Variants in ZNF385D observed in about 807,000 individuals in gnomAD.
The protein encoded by ZNF385D is zinc finger protein 659.
A neutral mutation model predicts 35.8 loss-of-function variants in ZNF385D; 15 were observed. That is an observed-to-expected ratio of 0.42 (90% confidence interval 0.28 to 0.64). The LOEUF (loss-of-function observed/expected upper bound fraction) is 0.64. ZNF385D is among the 30% of genes least tolerant of loss of function. ZNF385D has a pLI of 0.23. For missense variants in ZNF385D, 474 were observed against 494.6 expected, an observed-to-expected ratio of 0.96 and a Z score of 0.39; for synonymous variants, 212 against 186.8, an observed-to-expected ratio of 1.13 and a Z score of -1.10.
At chr3:22,133,189 G>A (rs1703901017) in intron 3 of ZNF385D, among the ~76,000 whole-genome samples, 1 of 152,036 alleles carries the variant, frequency 6.6e-6, no homozygotes, top group Non-Finnish European at 1.5e-5. Context: ...AAAGGATTTG[G>A]ATTCTTAAAT....
At chr3:21,808,667 C>T (rs2072764992) in intron 3 of ZNF385D, among the ~76,000 whole-genome samples, 1 of 152,220 alleles carries the variant, frequency 6.6e-6, no homozygotes, top group African/African-American at 2.4e-5. Context: ...AGGGGCAAAT[C>T]ACCTCTTTTC....
At chr3:21,872,215 T>C (rs1697730917) in intron 3 of ZNF385D, among the ~76,000 whole-genome samples, 1 of 152,128 alleles carries the variant, frequency 6.6e-6, no homozygotes, top group Non-Finnish European at 1.5e-5. Flanking sequence ...TTATTGATGC[T>C]CGAGTAATAT....
intron 3 of ZNF385D, among the ~76,000 whole-genome samples, chr3:21,978,010 A>T (rs1454639682): frequency 6.6e-6 from 1 of 152,218 alleles, no homozygotes; most frequent in Non-Finnish European, 1.5e-5. Context: ...AAAGAACTAG[A>T]TACACCAGAT....
intron 2 of ZNF385D, among the ~76,000 whole-genome samples, chr3:21,635,377 C>T (rs1308883266): frequency 2.0e-5 from 3 of 152,048 alleles, no homozygotes; most frequent in Admixed American, 6.6e-5. Flanking sequence ...ATTTAATCAT[C>T]ATGACTTTCC....
chr3:22,234,138 C>T (rs1699047372), intron 2 of ZNF385D, among the ~76,000 whole-genome samples: 3 of 152,084 alleles, frequency 2.0e-5, no homozygotes, highest in Admixed American at 1.3e-4. Flanking sequence ...TAAGTAAATG[C>T]ATTATTTGGG....
chr3:21,984,773 C>T (rs375509520), intron 3 of ZNF385D, among the ~76,000 whole-genome samples: 19 of 119,664 alleles, frequency 1.6e-4, no homozygotes, highest in South Asian at 3.9e-4. Context: ...GCCATTTTCA[C>T]GATATTGATT....
chr3:22,207,602 C>G (rs139525323), intron 2 of ZNF385D, among the ~76,000 whole-genome samples: 69 of 151,832 alleles, frequency 4.5e-4, no homozygotes, highest in African/African-American at 1.5e-3. Flanking sequence ...GATGACATCA[C>G]GTTAACAAGC....
intron 3 of ZNF385D, among the ~76,000 whole-genome samples, chr3:21,798,530 T>C (rs933765714): frequency 2.0e-5 from 3 of 152,104 alleles, no homozygotes; most frequent in African/African-American, 4.8e-5. Flanking sequence ...CTGCAGTTTC[T>C]TGTCTCTTCA....
chr3:22,343,204 T>C (rs1695501755), intron 2 of ZNF385D, among the ~76,000 whole-genome samples: 1 of 152,212 alleles, frequency 6.6e-6, no homozygotes, highest in Non-Finnish European at 1.5e-5. Context: ...AGCATTGACA[T>C]AAAAGAGCTA....
At chr3:21,751,440 G>A (rs944985741), upstream of ZNF385D, 2 of 990,204 alleles carry the variant, frequency 2.0e-6, no homozygotes, top group African/African-American at 1.7e-5. Flanking sequence ...CACTGTGCAG[G>A]AGGGACGTGG....
chr3:21,434,657 C>G (rs1445068812), intron 5 of ZNF385D, among the ~76,000 whole-genome samples: 1 of 152,150 alleles, frequency 6.6e-6, no homozygotes, highest in African/African-American at 2.4e-5. Context: ...GGGGGTCAAA[C>G]AGCAACTATT....
intron 2 of ZNF385D, among the ~76,000 whole-genome samples, chr3:22,351,574 A>G (rs1031316007): frequency 1.3e-5 from 2 of 152,200 alleles, no homozygotes; most frequent in Admixed American, 6.5e-5. Context: ...TACACTTGCT[A>G]TAACTACAAA....
chr3:21,516,855 A>G (rs1010810910), intron 3 of ZNF385D, among the ~76,000 whole-genome samples: 1 of 152,168 alleles, frequency 6.6e-6, no homozygotes, highest in Non-Finnish European at 1.5e-5. Context: ...CCCTTGCAAT[A>G]TTAAAATGTA....
rs538816980 is a variant in ZNF385D at position 21,790,931 on chromosome 3, G to A, written c.326-125903C>T. Reference sequence around the variant, plus strand: ...ATTTTCTCTTCCTGCTTCCTAAGTTGTCACATATGTTACAACAAGGGGTAA... The same window carrying A: ...ATTTTCTCTTCCTGCTTCCTAAGTTATCACATATGTTACAACAAGGGGTAA... On this transcript the variant is annotated intron_variant, in intron 3 of 5. Transcript: ENST00000494108. Among the ~76,000 whole-genome samples, 110 of 152,024 alleles carry A rather than the reference G, an allele frequency of 7.2e-4. 1 individual carries two copies. Among genetic ancestry groups the A allele is most frequent in the Non-Finnish European group, 7.6e-4 (52 of 68,012 alleles).
At chr3:21,804,545 T>G (rs1032873576) in intron 3 of ZNF385D, among the ~76,000 whole-genome samples, 2 of 152,166 alleles carry the variant, frequency 1.3e-5, no homozygotes, top group African/African-American at 4.8e-5. Flanking sequence ...AAGCCTTGCC[T>G]AAGGAGAAAG....
intron 2 of ZNF385D, among the ~76,000 whole-genome samples, chr3:21,644,047 A>T (rs571442429): frequency 6.6e-6 from 1 of 152,138 alleles, no homozygotes; most frequent in Non-Finnish European, 1.5e-5. Flanking sequence ...AGATTTAGGT[A>T]TAGTAACTCT....
chr3:21,982,522 T>C (rs112260089), intron 3 of ZNF385D, among the ~76,000 whole-genome samples: 1 of 152,190 alleles, frequency 6.6e-6, no homozygotes, highest in Non-Finnish European at 1.5e-5. Flanking sequence ...AATCATGTTG[T>C]CTGCAAACAG....
At chr3:21,723,303 T>C (rs2068617295) in intron 1 of ZNF385D, among the ~76,000 whole-genome samples, 1 of 152,144 alleles carries the variant, frequency 6.6e-6, no homozygotes, top group African/African-American at 2.4e-5. Flanking sequence ...AGAATAAGTT[T>C]GACAAATTGA....
chr3:22,005,765 C>T (rs898551238), intron 3 of ZNF385D, among the ~76,000 whole-genome samples: 1 of 152,058 alleles, frequency 6.6e-6, no homozygotes, highest in African/African-American at 2.4e-5. Context: ...CCTTTAGAAC[C>T]CTAAGTGTGA....
Sources: allele counts gnomAD v4.1 joint callset (sites outside exome capture counted in the v4.1 genomes callset), GRCh38; gene constraint gnomAD v4.1.1; transcripts MANE v1.5; gene names NCBI Gene and HGNC (gene_info 2026-07-23, HGNC 2026-07-21).